STARD13: variants seen among roughly 807,000 people sequenced by gnomAD.
STARD13 encodes stAR-related lipid transfer protein 13.
STARD13 carries 62 observed loss-of-function variants against 106.4 expected under a neutral mutation model. The observed-to-expected ratio is 0.58, with a 90% CI of 0.48 to 0.72. The LOEUF (loss-of-function observed/expected upper bound fraction) is 0.72, where lower values mean the gene tolerates loss of function less well. Ranked by LOEUF, STARD13 falls within the 30% of genes least tolerant of loss-of-function variation. The probability of loss-of-function intolerance (pLI) is 0.00; values close to 1 mark genes in which losing one functional copy is unlikely to be tolerated. For missense variants in STARD13, 1,387 were observed against 1,424.0 expected, an observed-to-expected ratio of 0.97 and a Z score of 0.42; for synonymous variants, 565 against 553.0, an observed-to-expected ratio of 1.02 and a Z score of -0.31.
At chr13:33,126,378 A>G (rs1877176607) in intron 6 of STARD13, 138 bp from the exon 7 acceptor site, 2 of 832,492 alleles carry the variant, frequency 2.4e-6, no homozygotes, top group East Asian at 2.5e-5. Context: ...TTCTCTCTGC[A>G]TTAATCACAG....
the STARD13 span, among the ~76,000 whole-genome samples, chr13:33,499,529 TTCTTC>T: frequency 2.5e-3 from 131 of 51,494 alleles, 9 homozygotes; most frequent in African/African-American, 5.6e-3. Flanking sequence ...TTTCTTCTTC[TTCTTC>T]TTCTTCTTCT....
At chr13:33,381,567 C>T in the STARD13 span, among the ~76,000 whole-genome samples, 2 of 152,016 alleles carry the variant, frequency 1.3e-5, no homozygotes, top group South Asian at 2.1e-4. Flanking sequence ...TGATGAAACC[C>T]CCCTCTCTAC....
At chr13:33,575,141 C>A in the STARD13 span, among the ~76,000 whole-genome samples, 1 of 152,008 alleles carries the variant, frequency 6.6e-6, no homozygotes, top group Non-Finnish European at 1.5e-5. Context: ...TGGTCTCCAA[C>A]TCCTGACCTC....
intron 1 of STARD13, among the ~76,000 whole-genome samples, chr13:33,188,455 A>G (rs1457105738): frequency 5.3e-5 from 8 of 152,042 alleles, no homozygotes; most frequent in African/African-American, 1.9e-4. Context: ...TCTGAGAAAA[A>G]TTTCTGGTTA....
chr13:33,536,360 T>C, the STARD13 span, among the ~76,000 whole-genome samples: 1 of 152,230 alleles, frequency 6.6e-6, no homozygotes, highest in Non-Finnish European at 1.5e-5. Flanking sequence ...ACTGCATTTG[T>C]TTATTCTATA....
chr13:33,548,986 G>A, the STARD13 span, among the ~76,000 whole-genome samples: 7 of 151,912 alleles, frequency 4.6e-5, no homozygotes, highest in African/African-American at 1.7e-4. Context: ...AAAGCAATCA[G>A]TAATCAAAAG....
At chr13:33,541,967 C>A in the STARD13 span, among the ~76,000 whole-genome samples, 2 of 152,150 alleles carry the variant, frequency 1.3e-5, no homozygotes, top group Non-Finnish European at 2.9e-5. Context: ...CACATCTGCA[C>A]AAGAGGCTTT....
At chr13:33,297,726 T>G (rs761638779) in intron 1 of STARD13, among the ~76,000 whole-genome samples, 3 of 152,160 alleles carry the variant, frequency 2.0e-5, no homozygotes, top group East Asian at 1.9e-4. Context: ...TTTTAAAATA[T>G]TCTATTGTAT....
the STARD13 span, among the ~76,000 whole-genome samples, chr13:33,564,304 G>A: frequency 6.9e-6 from 1 of 144,632 alleles, no homozygotes; most frequent in Non-Finnish European, 1.5e-5. Context: ...GCTCAACATC[G>A]CTAATATCAG....
At chr13:33,540,770 A>G in the STARD13 span, among the ~76,000 whole-genome samples, 2 of 152,222 alleles carry the variant, frequency 1.3e-5, no homozygotes, top group Non-Finnish European at 2.9e-5. Context: ...GAGGAAGTTG[A>G]TAATTTGAGG....
At chr13:33,227,291 A>G (rs1337226896) in intron 1 of STARD13, among the ~76,000 whole-genome samples, 1 of 152,228 alleles carries the variant, frequency 6.6e-6, no homozygotes, top group Non-Finnish European at 1.5e-5. Flanking sequence ...CAGAATCTCA[A>G]TGTCCTCATA....
At chr13:33,499,622 CTTCTTCTT>C in the STARD13 span, among the ~76,000 whole-genome samples, 1 of 116,248 alleles carries the variant, frequency 8.6e-6, no homozygotes, top group African/African-American at 4.5e-5. Context: ...TCTTCTTCTT[CTTCTTCTT>C]CTTCTTCTTC....
intron 3 of STARD13, among the ~76,000 whole-genome samples, chr13:33,163,284 A>G (rs1314138738): frequency 6.6e-6 from 1 of 151,916 alleles, no homozygotes; most frequent in Non-Finnish European, 1.5e-5. Flanking sequence ...GAGCCAAACC[A>G]TATCAATAAT....
intron 1 of STARD13, among the ~76,000 whole-genome samples, chr13:33,300,796 G>A (rs979046383): frequency 2.0e-5 from 3 of 152,156 alleles, no homozygotes; most frequent in African/African-American, 7.2e-5. Context: ...GGGCCCGCAG[G>A]TCCCTAATCG....
the STARD13 span, among the ~76,000 whole-genome samples, chr13:33,622,221 C>A: frequency 2.0e-5 from 3 of 152,118 alleles, no homozygotes; most frequent in South Asian, 6.2e-4. Context: ...ATTTATGGGG[C>A]GAAAATAACC....
intron 4 of STARD13, among the ~76,000 whole-genome samples, chr13:33,138,254 G>A (rs1354839161): frequency 1.3e-5 from 2 of 152,142 alleles, no homozygotes; most frequent in East Asian, 3.9e-4. Flanking sequence ...TTGAATAGAA[G>A]CTGAATCACA....
intron 1 of STARD13, among the ~76,000 whole-genome samples, chr13:33,212,622 G>A (rs1887789297): frequency 6.6e-6 from 1 of 152,156 alleles, no homozygotes; most frequent in African/African-American, 2.4e-5. Flanking sequence ...CTATTTTCAA[G>A]TCGCAACTTG....
chr13:33,355,430 C>A (rs534894727), upstream of STARD13: 1 of 152,346 alleles, frequency 6.6e-6, no homozygotes, highest in Non-Finnish European at 1.5e-5. Flanking sequence ...CAATTTCTAA[C>A]TGTACCAGGC....
the STARD13 span, among the ~76,000 whole-genome samples, chr13:33,377,301 T>TA: frequency 0.22 from 33,571 of 151,780 alleles, 4,044 homozygotes; most frequent in African/African-American, 0.27. Flanking sequence ...CACGTTCTGG[T>TA]AAAAAAAACA....
Sources: allele counts gnomAD v4.1 joint callset (sites outside exome capture counted in the v4.1 genomes callset), GRCh38; gene constraint gnomAD v4.1.1; transcripts MANE v1.5; gene names NCBI Gene and HGNC (gene_info 2026-07-23, HGNC 2026-07-21).